ESPN: variants seen among roughly 807,000 people sequenced by gnomAD.
ESPN encodes the protein autosomal recessive deafness type 36 protein.
Under a neutral mutation model 77.7 loss-of-function variants are expected in ESPN, and 68 were observed. The ratio of observed to expected loss-of-function variants is 0.87; its 90% confidence interval spans 0.72 to 1.07. ESPN has a LOEUF of 1.07. ESPN is among the 50% of genes least tolerant of loss of function. ESPN has a pLI of 0.00. For missense variants in ESPN, 1,060 were observed against 1,239.0 expected, an observed-to-expected ratio of 0.86 and a Z score of 2.17; for synonymous variants, 449 against 567.1, an observed-to-expected ratio of 0.79 and a Z score of 2.96.
In ESPN at chr1:6,447,148, C is replaced by CGGCTGTGTGCGTCCCTCCG. The variant is rs1424128244; in HGVS notation, c.1464+1225_1464+1243dup. 1.3e-5 allele frequency: 2 copies of CGGCTGTGTGCGTCCCTCCG among 153,038 alleles called. No individual in the cohort carries two copies. The highest frequency in any genetic ancestry group is 1.9e-4 in the East Asian group (1 of 5,212). The allele number at this position is 153,038 out of a possible 1,614,324, so 9.5% of individuals were successfully genotyped here. Reference sequence around the variant, plus strand: ...CCTCCTGGCTGTGTGAGCCCCCTCCCGGCTGTGTGCGTCCCTCCGGGCTGT... The same window carrying CGGCTGTGTGCGTCCCTCCG: ...CCTCCTGGCTGTGTGAGCCCCCTCCCGGCTGTGTGCGTCCCTCCGGGCTGTGTGCGTCCCTCCGGGCTGT... On this transcript the variant is annotated intron_variant, in intron 7 of 12. Transcript: ENST00000645284. The surrounding 1 kb of genome is among the most constrained non-coding windows in gnomAD (Gnocchi z 5.2).
chr1:6,428,492 A>G lies in ESPN; in HGVS notation c.488+73A>G. The G allele has an allele frequency of 7.4e-7, 1 of 1,356,724 alleles. No homozygotes were observed. Among genetic ancestry groups the G allele is most frequent in the South Asian group, 1.3e-5 (1 of 74,508 alleles). The allele number at this position is 1,356,724 out of a possible 1,614,324, so 84.0% of individuals were successfully genotyped here. A position where few individuals can be genotyped will look rare whatever the true frequency, so the allele number is the denominator to read the frequency against. On this transcript the variant is annotated intron_variant, in intron 2 of 12. Transcript: ENST00000645284. This position sits in a 1 kb window ranked among gnomAD's most constrained non-coding sequence, Gnocchi z 5.4. The stretch of plus-strand genomic sequence containing the variant: ...CTTTGGGGGATGCCTGGGATTTTCC[A>G]CGCCTCTCTGGCACTCCAGGGCAAT...
Position 6,441,008 on chromosome 1 carries a change from G to A in ESPN, c.933G>A (p.Leu311=), listed in dbSNP as rs552643776. 1.2e-6 allele frequency: 2 copies of A among 1,610,334 alleles called. No homozygotes were observed. The highest frequency in any genetic ancestry group is 1.7e-6 in the Non-Finnish European group (2 of 1,179,310). Residue 311 remains leucine, a synonymous_variant, in exon 5 of 13, where the codon CTG becomes CTA. Coordinates refer to ENST00000645284, the MANE Select transcript of ESPN (RefSeq NM_031475.3). The stretch of plus-strand genomic sequence containing the variant: ...GCGACGGGTACACGGCCGCCGACCT[G>A]TCGGACTTCAACGGCCACAGCCACT... The part of the protein sequence containing the change: ...RDRDGYTAAD[L]SDFNGHSHCT...
At chr1:6,441,742 C>T (rs1210648830) in intron 5 of ESPN, among the ~76,000 whole-genome samples, 2 of 152,168 alleles carry the variant, frequency 1.3e-5, no homozygotes, top group South Asian at 2.1e-4. Flanking sequence ...GCAGTCAACC[C>T]GAAAAGGATG....
At chr1:6,434,681 C>T (rs1334003989) in intron 2 of ESPN, among the ~76,000 whole-genome samples, 1 of 152,218 alleles carries the variant, frequency 6.6e-6, no homozygotes, top group African/African-American at 2.4e-5. Flanking sequence ...GTGCACCCAA[C>T]TGCCCGGCCC....
intron 7 of ESPN, among the ~76,000 whole-genome samples, chr1:6,446,311 G>C (rs1643837424): frequency 1.3e-5 from 2 of 152,202 alleles, no homozygotes; most frequent in African/African-American, 4.8e-5. Context: ...ACAGCCCCAG[G>C]CTCAGTCGGA....
chr1:6,439,869 C>T lies in ESPN; in HGVS notation c.489-385C>T, dbSNP rs1394424466. On this transcript the variant is annotated intron_variant, in intron 2 of 12. Coordinates refer to ENST00000645284, the MANE Select transcript of ESPN (RefSeq NM_031475.3). Reference sequence around the variant, plus strand: ...CTAAAAATACAAAAAATTAGCGGGGCGTGGTGGCACATGCCTGTAATCCCA... The same window carrying T: ...CTAAAAATACAAAAAATTAGCGGGGTGTGGTGGCACATGCCTGTAATCCCA... Among the ~76,000 whole-genome samples the T allele has an allele frequency of 9.9e-5, 15 of 152,184 alleles. No homozygotes were observed. In the South Asian group the frequency reaches 2.1e-3, roughly 21 times the overall value.
At position 6,424,799 on chromosome 1, in the gene ESPN, A is replaced by G. The variant is rs1642972365; in HGVS notation, c.-157A>G. The G allele has an allele frequency of 1.3e-6, 1 of 745,174 alleles. No individual in the cohort carries two copies. The highest frequency in any genetic ancestry group is 1.8e-6 in the Non-Finnish European group (1 of 550,856). The allele number at this position is 745,174 out of a possible 1,614,324, so 46.2% of individuals were successfully genotyped here. On this transcript the variant is annotated 5_prime_UTR_variant, in exon 1 of 13. Coordinates refer to ENST00000645284, the MANE Select transcript of ESPN (RefSeq NM_031475.3). The stretch of plus-strand genomic sequence containing the variant: ...CCAGAGCGCGGCGGAGCGGAGCGCC[A>G]GGCAGCGCGGAGCGGAGGCCAGGCC...
intron 7 of ESPN, among the ~76,000 whole-genome samples, chr1:6,446,260 G>A (rs1483168057): frequency 6.6e-6 from 1 of 152,138 alleles, no homozygotes; most frequent in Non-Finnish European, 1.5e-5. Flanking sequence ...GACAGAGAAT[G>A]CATGGAGACT....
rs2148503198 is a variant in ESPN, at chr1:6,428,513, G to A, written c.488+94G>A. 6.2e-6 allele frequency: 7 copies of A among 1,131,046 alleles called. No homozygotes were observed. The highest frequency in any genetic ancestry group is 8.8e-6 in the Non-Finnish European group (7 of 792,468). The allele number at this position is 1,131,046 out of a possible 1,614,324, so 70.1% of individuals were successfully genotyped here. On this transcript the variant is annotated intron_variant, in intron 2 of 12. Transcript: ENST00000645284. This position sits in a 1 kb window ranked among gnomAD's most constrained non-coding sequence, Gnocchi z 5.4. ...TTCCACGCCTCTCTGGCACTCCAGGGCAATGATCCCTCCAGTGGCCATCCT... is the reference window on the plus strand; with the variant it reads ...TTCCACGCCTCTCTGGCACTCCAGGACAATGATCCCTCCAGTGGCCATCCT...
Position 6,447,646 on chromosome 1 carries a change from C to G in ESPN, c.1465-995C>G, listed in dbSNP as rs1450439738. ...CACGCTGTCACCCGACCCCGCCTTA[C>G]GGCCCCTGAAATCCGAGGCTTGAGC... is the stretch of plus-strand genomic sequence containing the variant. On this transcript the variant is annotated intron_variant, in intron 7 of 12. Coordinates refer to ENST00000645284, the MANE Select transcript of ESPN (RefSeq NM_031475.3). This position sits in a 1 kb window ranked among gnomAD's most constrained non-coding sequence, Gnocchi z 5.2. Among the ~76,000 whole-genome samples, 1 of 152,214 alleles carries G rather than the reference C, an allele frequency of 6.6e-6. No individual in the cohort carries two copies. Among genetic ancestry groups the G allele is most frequent in the South Asian group, 2.1e-4 (1 of 4,826 alleles).
At chr1:6,434,483 C>T (rs1643361674) in intron 2 of ESPN, among the ~76,000 whole-genome samples, 1 of 152,264 alleles carries the variant, frequency 6.6e-6, no homozygotes, top group East Asian at 1.9e-4. Flanking sequence ...ATCCCAGGGA[C>T]TTGTCCACTC....
rs1466062785 is a variant in ESPN at position 6,451,645 on chromosome 1, C to G, written c.1958C>G (p.Ser653Trp). The change falls in exon 9 of 13, where the codon TCG becomes TGG. Residue 653 changes from serine to tryptophan, a missense_variant. Ser to Trp is a radical substitution (Grantham distance 177, BLOSUM62 -3). Coordinates refer to ENST00000645284, the MANE Select transcript of ESPN (RefSeq NM_031475.3). This position sits in a 1 kb window ranked among gnomAD's most constrained non-coding sequence, Gnocchi z 4.3. ...FNMMSPTGDNSELLAEIKAGK... is the reference protein window; with the variant it reads ...FNMMSPTGDNWELLAEIKAGK... Reference sequence around the variant, plus strand: ...ATGATGTCCCCGACGGGCGACAACTCGGAGCTACTGGCTGAGATTAAGGCA... The same window carrying G: ...ATGATGTCCCCGACGGGCGACAACTGGGAGCTACTGGCTGAGATTAAGGCA... 10 of 1,613,166 alleles carry G rather than the reference C, an allele frequency of 6.2e-6. No homozygotes were observed. In the Admixed American group the frequency reaches 1.2e-4, roughly 19 times the overall value.
At chr1:6,433,379 G>C (rs1457247995) in intron 2 of ESPN, among the ~76,000 whole-genome samples, 4 of 152,102 alleles carry the variant, frequency 2.6e-5, no homozygotes, top group Non-Finnish European at 5.9e-5. Flanking sequence ...GGAAGGCGGA[G>C]GTTGCAGTGA....
rs1643938859 is a variant in ESPN, at chr1:6,451,292, A to G, written c.1916-311A>G. On this transcript the variant is annotated intron_variant, in intron 8 of 12. Transcript: ENST00000645284. This position sits in a 1 kb window ranked among gnomAD's most constrained non-coding sequence, Gnocchi z 4.3. ...TCCAGGTAGTGTTTTGGAGCTGGGCAGTCAGTGGCTGGGCGGGGACATATG... is the reference window on the plus strand; with the variant it reads ...TCCAGGTAGTGTTTTGGAGCTGGGCGGTCAGTGGCTGGGCGGGGACATATG... 1 of 460,472 alleles carries G rather than the reference A, an allele frequency of 2.2e-6. No homozygotes were observed. The highest frequency in any genetic ancestry group is 2.1e-5 in the South Asian group (1 of 47,824). 28.5% of individuals were successfully genotyped at this position (460,472 alleles called of 1,614,324 possible).
At chr1:6,448,517 A>G in intron 7 of ESPN, 124 bp from the exon 8 acceptor site, 1 of 781,904 alleles carries the variant, frequency 1.3e-6, no homozygotes, top group Non-Finnish European at 1.9e-6. Context: ...CTAGGAAGTC[A>G]GCTGCTGCAC....
intron 5 of ESPN, among the ~76,000 whole-genome samples, chr1:6,442,739 G>A (rs1348895232): frequency 2.1e-5 from 3 of 145,416 alleles, no homozygotes; most frequent in East Asian, 2.0e-4. Context: ...ATGGTGGTGG[G>A]TGCCTGTTGT....
chr1:6,451,612 C>G lies in ESPN; in HGVS notation c.1925C>G (p.Ser642Cys). The change falls in exon 9 of 13, where the codon TCT becomes TGT. Residue 642 changes from serine (S) to cysteine (C), a missense_variant. By Grantham distance (112) the Ser-to-Cys change is moderately radical. Transcript: ENST00000645284. The surrounding 1 kb of genome is among the most constrained non-coding windows in gnomAD (Gnocchi z 4.3). ...TCCTGCCTCCGCATAGGCACCAAGT[C>G]TTTCAACATGATGTCCCCGACGGGC... ...RSSSSTGSTK[S>C]FNMMSPTGDN... 1 of 1,613,008 alleles carries G rather than the reference C, an allele frequency of 6.2e-7. No individual in the cohort carries two copies. The highest frequency in any genetic ancestry group is 8.5e-7 in the Non-Finnish European group (1 of 1,179,856).
Position 6,452,904 on chromosome 1 carries a change from A to ATTTTTTTTT in ESPN, c.2325+814_2325+815insTTTTTTTTT, listed in dbSNP as rs141387813. Among the ~76,000 whole-genome samples the ATTTTTTTTT allele has an allele frequency of 9.3e-5, 14 of 150,872 alleles. 1 individual carries two copies. Among genetic ancestry groups the ATTTTTTTTT allele is most frequent in the African/African-American group, 3.5e-4 (14 of 40,556 alleles). On this transcript the variant is annotated intron_variant, in intron 10 of 12. Coordinates refer to ENST00000645284, the MANE Select transcript of ESPN (RefSeq NM_031475.3). ...CAAATGCCATTTATTTTTATTTTTT[A>ATTTTTTTTT]TTTTTTGAGACAGGGTCTCACTCTG...
At chr1:6,455,417 C>A (rs1351012441) in intron 10 of ESPN, 1 of 392,960 alleles carries the variant, frequency 2.5e-6, no homozygotes, top group African/African-American at 2.1e-5. Flanking sequence ...CCACGGACGC[C>A]CCCCGGCTGC....
Sources: gnomAD v4.1 joint callset for allele counts (sites outside exome capture counted in the v4.1 genomes callset) on GRCh38, gnomAD v4.1.1 for gene constraint, Gnocchi (gnomAD v3.1) non-coding constraint, MANE v1.5 for transcripts, NCBI Gene and HGNC (gene_info 2026-07-23, HGNC 2026-07-21) for gene names.